The following CSGALNACT1 variants were observed in gnomAD, a reference collection of about 807,000 sequenced individuals.
The protein encoded by CSGALNACT1 is beta4GalNAcT-1.
In CSGALNACT1, 52 loss-of-function variants were observed where a neutral mutation model predicts 51.0. The ratio of observed to expected loss-of-function variants is 1.02; its 90% confidence interval spans 0.82 to 1.29. The LOEUF (loss-of-function observed/expected upper bound fraction) is 1.29, where lower values mean the gene tolerates loss of function less well. Among genes scored for constraint, CSGALNACT1 ranks in the 50% most tolerant of loss-of-function variants. The probability of loss-of-function intolerance (pLI) is 0.00; values close to 1 mark genes in which losing one functional copy is unlikely to be tolerated. For synonymous variants in CSGALNACT1, 341 were observed against 254.4 expected (o/e 1.34, Z -3.24); for missense variants, 935 against 679.2 (o/e 1.38, Z -4.19).
intron 1 of CSGALNACT1, among the ~76,000 whole-genome samples, chr8:19,674,200 G>A (rs1461703082): frequency 2.6e-5 from 4 of 152,200 alleles, no homozygotes; most frequent in African/African-American, 9.7e-5. Flanking sequence ...GGCTGAGGCA[G>A]GAGAATTGTT....
chr8:19,632,919 TA>T (rs2055488996), intron 1 of CSGALNACT1, among the ~76,000 whole-genome samples: 1 of 98,278 alleles, frequency 1.0e-5, no homozygotes, highest in African/African-American at 3.5e-5. Flanking sequence ...CACACCCAGC[TA>T]ATTTTTTTTT....
At chr8:19,527,933 G>A (rs548428139) in intron 3 of CSGALNACT1, among the ~76,000 whole-genome samples, 2 of 152,254 alleles carry the variant, frequency 1.3e-5, no homozygotes, top group African/African-American at 4.8e-5. Context: ...GAATCAAACC[G>A]TAAGACTGAA....
chr8:19,409,145 GAAC>G (rs905838117), intron 8 of CSGALNACT1, among the ~76,000 whole-genome samples: 36 of 152,292 alleles, frequency 2.4e-4, no homozygotes, highest in African/African-American at 8.2e-4. Context: ...AAGGGATAGA[GAAC>G]AACTCAGAAT....
intron 3 of CSGALNACT1, among the ~76,000 whole-genome samples, chr8:19,564,066 A>ACTGTCGGTGCTCCCACAGGATACTG (rs1455490490): frequency 6.6e-6 from 1 of 152,046 alleles, no homozygotes; most frequent in African/African-American, 2.4e-5. Context: ...TGATCCTTCC[A>ACTGTCGGTGCTCCCACAGGATACTG]CTGTCGGTGC....
rs1589141531 is a variant in CSGALNACT1 at position 19,629,990 on chromosome 8, G to A, written c.-543-28125C>T. Reference sequence around the variant, plus strand: ...TCAACAAGAGACTCAGGGATCAGGGGAGTCCGACATCCTAAAGATCTCAAC... The same window carrying A: ...TCAACAAGAGACTCAGGGATCAGGGAAGTCCGACATCCTAAAGATCTCAAC... On this transcript the variant is annotated intron_variant, in intron 1 of 9. Transcript: ENST00000332246. Among the ~76,000 whole-genome samples, 5 of 152,274 alleles carry A rather than the reference G, an allele frequency of 3.3e-5. No homozygotes were observed. The South Asian group carries it at 1.0e-3, about 32-fold the overall frequency.
intron 1 of CSGALNACT1, among the ~76,000 whole-genome samples, chr8:19,737,224 A>G (rs944477605): frequency 1.3e-5 from 2 of 152,126 alleles, no homozygotes; most frequent in Admixed American, 6.5e-5. Flanking sequence ...ACAGGCCCTT[A>G]CTAAAAGAAC....
chr8:19,416,357 C>A (rs1479991150), intron 8 of CSGALNACT1, among the ~76,000 whole-genome samples: 1 of 152,118 alleles, frequency 6.6e-6, no homozygotes, highest in African/African-American at 2.4e-5. Flanking sequence ...TCATGATTCA[C>A]CTGCTTCGGC....
chr8:19,590,190 C>G (rs548981536), intron 3 of CSGALNACT1, among the ~76,000 whole-genome samples: 2 of 152,290 alleles, frequency 1.3e-5, no homozygotes, highest in Admixed American at 6.5e-5. Context: ...GTGGGCGACA[C>G]GACTGCAAAT....
chr8:19,430,727 C>G (rs995010829), intron 6 of CSGALNACT1, among the ~76,000 whole-genome samples: 2 of 152,120 alleles, frequency 1.3e-5, no homozygotes, highest in Non-Finnish European at 2.9e-5. Flanking sequence ...TCCATATCTA[C>G]AAGAAAGTCA....
intron 1 of CSGALNACT1, among the ~76,000 whole-genome samples, chr8:19,655,348 C>T (rs369545846): frequency 3.3e-5 from 5 of 152,006 alleles, no homozygotes; most frequent in East Asian, 1.9e-4. Flanking sequence ...ATGCACCTTC[C>T]TATTTGCTAG....
intron 6 of CSGALNACT1, among the ~76,000 whole-genome samples, chr8:19,431,501 GA>G (rs1231617887): frequency 6.7e-6 from 1 of 150,212 alleles, no homozygotes; most frequent in Non-Finnish European, 1.5e-5. Context: ...TTGCATTCCT[GA>G]AAAAAAAATC....
At chr8:19,427,605 G>A (rs1468316419) in intron 6 of CSGALNACT1, among the ~76,000 whole-genome samples, 6 of 152,026 alleles carry the variant, frequency 3.9e-5, no homozygotes, top group Admixed American at 6.6e-5. Flanking sequence ...TGGCTAACAC[G>A]GTGAAACCCT....
At position 19,675,120 on chromosome 8, in the gene CSGALNACT1, T is replaced by C. The variant is rs117136727; in HGVS notation, c.-544+7353A>G. ...CACAGGTAAATCTGAGAGTTGCCAA[T>C]AGGGTATTTAAAGTCATGGAGCTAT... On this transcript the variant is annotated intron_variant, in intron 1 of 9. Transcript: ENST00000332246. 7.0e-4 allele frequency among the ~76,000 whole-genome samples: 107 copies of C among 152,278 alleles called. 1 individual carries two copies. The East Asian group carries it at 0.017, about 24-fold the overall frequency.
At chr8:19,629,960 G>T (rs1257785456) in intron 1 of CSGALNACT1, among the ~76,000 whole-genome samples, 1 of 152,168 alleles carries the variant, frequency 6.6e-6, no homozygotes, top group Non-Finnish European at 1.5e-5. Flanking sequence ...AAAGTTGTGT[G>T]TAAGTCAACA....
chr8:19,704,729 G>A (rs2062064002), intron 1 of CSGALNACT1, among the ~76,000 whole-genome samples: 1 of 152,142 alleles, frequency 6.6e-6, no homozygotes. Flanking sequence ...TGGAGAAAAT[G>A]TGATATATAC....
intron 1 of CSGALNACT1, among the ~76,000 whole-genome samples, chr8:19,616,733 G>C (rs74573084): frequency 0.043 from 6,473 of 152,106 alleles, 341 homozygotes; most frequent in East Asian, 0.18. Context: ...ATCTGCTCCT[G>C]CCTCACCTTC....
chr8:19,611,716 CTCTT>C (rs1468557492), intron 1 of CSGALNACT1, among the ~76,000 whole-genome samples: 2 of 152,132 alleles, frequency 1.3e-5, no homozygotes, highest in African/African-American at 2.4e-5. Flanking sequence ...CTTAAAAAGA[CTCTT>C]TCTTCATTGC....
chr8:19,432,607 T>C (rs892483169), intron 6 of CSGALNACT1, among the ~76,000 whole-genome samples: 5 of 151,886 alleles, frequency 3.3e-5, no homozygotes, highest in African/African-American at 1.2e-4. Context: ...GTTCATTTTC[T>C]TCATTCTTTT....
At chr8:19,739,811 C>T (rs541926474) in intron 1 of CSGALNACT1, among the ~76,000 whole-genome samples, 90 of 152,312 alleles carry the variant, frequency 5.9e-4, no homozygotes, top group African/African-American at 1.9e-3. Context: ...CCACCCCATT[C>T]CCAAATTGCC....
Sources: gnomAD v4.1 joint callset for allele counts (sites outside exome capture counted in the v4.1 genomes callset) on GRCh38, gnomAD v4.1.1 for gene constraint, MANE v1.5 for transcripts, NCBI Gene and HGNC (gene_info 2026-07-23, HGNC 2026-07-21) for gene names.